Variants in RNF212B observed in about 807,000 individuals in gnomAD.
The protein encoded by RNF212B is ring finger protein 212B.
RNF212B carries 52 observed loss-of-function variants against 55.5 expected under a neutral mutation model. The ratio of observed to expected loss-of-function variants is 0.94; its 90% CI spans 0.75 to 1.18. The LOEUF is 1.18. Among genes scored for constraint, RNF212B ranks in the 50% most tolerant of loss-of-function variants. The probability of loss-of-function intolerance (pLI) is 0.00; values close to 1 mark genes in which losing one functional copy is unlikely to be tolerated. For synonymous variants in RNF212B, 99 were observed against 121.4 expected (o/e 0.82, Z 1.21); for missense variants, 289 against 350.4 (o/e 0.82, Z 1.40).
At chr14:23,226,296 CA>C (rs71119005) in intron 2 of RNF212B, among the ~76,000 whole-genome samples, 24,825 of 75,896 alleles carry the variant, frequency 0.33, 2,232 homozygotes, top group Non-Finnish European at 0.42. Flanking sequence ...GAAACCGTCT[CA>C]AAAAAAAAAA....
At chr14:23,239,785 A>G (rs148760162) in intron 1 of RNF212B, among the ~76,000 whole-genome samples, 190 of 151,768 alleles carry the variant, frequency 1.3e-3, no homozygotes, top group African/African-American at 4.2e-3. Flanking sequence ...TGCCCAGCTA[A>G]TTTTTATATT....
intron 2 of RNF212B, among the ~76,000 whole-genome samples, chr14:23,217,110 G>A (rs1302620327): frequency 3.3e-5 from 5 of 152,046 alleles, no homozygotes; most frequent in Non-Finnish European, 7.4e-5. Context: ...CTATGGACCA[G>A]AGTGGAGCCC....
intron 5 of RNF212B, 75 bp from the exon 6 acceptor site, chr14:23,259,809 A>T: frequency 1.4e-6 from 1 of 701,808 alleles, no homozygotes; most frequent in South Asian, 2.1e-5. Context: ...ACTAGATGTT[A>T]ATAGTTATAA....
intron 2 of RNF212B, among the ~76,000 whole-genome samples, chr14:23,220,822 C>CA (rs201824962): frequency 0.036 from 5,387 of 150,114 alleles, 326 homozygotes; most frequent in African/African-American, 0.12. Context: ...AAGACTCCAT[C>CA]AAAAAAAACA....
intron 2 of RNF212B, among the ~76,000 whole-genome samples, chr14:23,212,519 C>T (rs890336296): frequency 7.2e-5 from 11 of 152,154 alleles, no homozygotes; most frequent in Non-Finnish European, 1.3e-4. Context: ...TACTTCTACA[C>T]AATAAGCAAT....
chr14:23,270,057 C>A, intron 13 of RNF212B, 97 bp downstream of exon 13: 1 of 733,218 alleles, frequency 1.4e-6, no homozygotes, highest in South Asian at 1.6e-5. Context: ...GAGGTTTGCC[C>A]CCCAAAGAGC....
intron 4 of RNF212B, among the ~76,000 whole-genome samples, chr14:23,250,336 C>T (rs956760964): frequency 6.6e-6 from 1 of 151,806 alleles, no homozygotes; most frequent in African/African-American, 2.4e-5. Flanking sequence ...AAAAATTAGC[C>T]AGGTGTCATG....
At chr14:23,229,948 C>T (rs927075996) in intron 2 of RNF212B, 6 of 196,892 alleles carry the variant, frequency 3.0e-5, no homozygotes, top group East Asian at 1.2e-4. Context: ...TGTGCCATCT[C>T]GTGCACAATT....
At chr14:23,228,812 G>A (rs1243603053) in intron 2 of RNF212B, among the ~76,000 whole-genome samples, 2 of 152,222 alleles carry the variant, frequency 1.3e-5, no homozygotes, top group East Asian at 3.9e-4. Flanking sequence ...AATAGAGCAT[G>A]CAGAAATGGG....
chr14:23,230,744 G>C (rs1193541864), intron 2 of RNF212B, among the ~76,000 whole-genome samples: 4 of 148,808 alleles, frequency 2.7e-5, no homozygotes, highest in African/African-American at 9.9e-5. Flanking sequence ...GAGTTTTAGA[G>C]TTTTCACCCA....
At chr14:23,198,567 T>C (rs1280227918) in intron 2 of RNF212B, among the ~76,000 whole-genome samples, 3 of 151,352 alleles carry the variant, frequency 2.0e-5, no homozygotes, top group Non-Finnish European at 2.9e-5. Flanking sequence ...TCCCAGCCAC[T>C]AGGGAAGCTG....
intron 14 of RNF212B, among the ~76,000 whole-genome samples, chr14:23,272,183 C>T (rs1205686599): frequency 1.3e-5 from 2 of 151,940 alleles, no homozygotes; most frequent in South Asian, 4.2e-4. Context: ...TTTGGGAGGC[C>T]GAGGCGGGCG....
At chr14:23,213,826 T>C (rs573332433) in intron 2 of RNF212B, among the ~76,000 whole-genome samples, 1 of 152,274 alleles carries the variant, frequency 6.6e-6, no homozygotes, top group East Asian at 1.9e-4. Context: ...AAATGCTTAG[T>C]ATATAATCAA....
At chr14:23,232,815 A>G (rs1023894362) in intron 2 of RNF212B, among the ~76,000 whole-genome samples, 5 of 134,738 alleles carry the variant, frequency 3.7e-5, no homozygotes, top group African/African-American at 1.1e-4. Flanking sequence ...CCCGGCCGCC[A>G]CCCTGTCTGG....
At chr14:23,187,058 G>A (rs1420251313) in intron 1 of RNF212B, among the ~76,000 whole-genome samples, 15 of 152,022 alleles carry the variant, frequency 9.9e-5, no homozygotes, top group Non-Finnish European at 1.3e-4. Flanking sequence ...CACCCCCTTC[G>A]CACAGTCCTC....
At chr14:23,212,612 G>T (rs920869615) in intron 2 of RNF212B, among the ~76,000 whole-genome samples, 2 of 151,684 alleles carry the variant, frequency 1.3e-5, no homozygotes, top group African/African-American at 4.8e-5. Flanking sequence ...GTCTCGCTCT[G>T]TCGCCCAGGC....
intron 4 of RNF212B, among the ~76,000 whole-genome samples, chr14:23,256,159 T>C (rs1884816022): frequency 1.3e-5 from 2 of 152,166 alleles, no homozygotes; most frequent in Admixed American, 1.3e-4. Flanking sequence ...AGGGTAGGAT[T>C]TGGCTTATCT....
At chr14:23,186,468 G>T (rs963152425) in intron 1 of RNF212B, among the ~76,000 whole-genome samples, 13 of 151,792 alleles carry the variant, frequency 8.6e-5, no homozygotes, top group Admixed American at 3.3e-4. Flanking sequence ...TCCTGCCTCA[G>T]CCTCCTAAGT....
chr14:23,249,667 AGCAGG>A (rs1283268031), intron 4 of RNF212B, among the ~76,000 whole-genome samples: 2 of 152,192 alleles, frequency 1.3e-5, no homozygotes, highest in Admixed American at 6.5e-5. Context: ...ATCACTACTG[AGCAGG>A]GGATTGAGGA....
Sources: gnomAD v4.1 joint callset for allele counts (sites outside exome capture counted in the v4.1 genomes callset) on GRCh38, gnomAD v4.1.1 for gene constraint, MANE v1.5 for transcripts, NCBI Gene and HGNC (gene_info 2026-07-23, HGNC 2026-07-21) for gene names.